Variants in DEUP1 observed in about 807,000 individuals in gnomAD.
DEUP1 encodes deuterosome assembly protein 1.
A neutral mutation model predicts 87.4 loss-of-function variants in DEUP1; 82 were observed. The observed-to-expected ratio is 0.94, with a 90% confidence interval of 0.78 to 1.13. DEUP1 has a LOEUF of 1.13. Ranked by LOEUF, DEUP1 falls within the 50% of genes most tolerant of loss-of-function variation. The pLI, the probability that DEUP1 is intolerant of heterozygous loss-of-function variation, is 0.00. For missense variants in DEUP1, 663 were observed against 681.5 expected, an observed-to-expected ratio of 0.97 and a Z score of 0.30; for synonymous variants, 214 against 222.7, an observed-to-expected ratio of 0.96 and a Z score of 0.35.
chr11:93,408,030 C>T (rs1947331775), intron 11 of DEUP1, among the ~76,000 whole-genome samples: 1 of 151,886 alleles, frequency 6.6e-6, no homozygotes, highest in Admixed American at 6.6e-5. Flanking sequence ...CAAATGTGTT[C>T]CACAACAGCT....
At chr11:93,364,359 T>G in intron 5 of DEUP1, 65 bp downstream of exon 5, 1 of 1,399,898 alleles carries the variant, frequency 7.1e-7, no homozygotes, top group Non-Finnish European at 1.0e-6. Context: ...TGTGGGCTAT[T>G]TGTCTCTAGT....
intron 7 of DEUP1, among the ~76,000 whole-genome samples, chr11:93,372,799 T>C (rs3020071): frequency 0.44 from 67,400 of 152,046 alleles, 15,702 homozygotes; most frequent in Admixed American, 0.6. Context: ...AAGCCAGAAA[T>C]AGTCTGGAAA....
At chr11:93,427,617 T>G (rs964110382) in intron 13 of DEUP1, among the ~76,000 whole-genome samples, 2 of 150,228 alleles carry the variant, frequency 1.3e-5, no homozygotes, top group Non-Finnish European at 3.0e-5. Context: ...AAGCCAAAAT[T>G]GACAAATGGG....
At chr11:93,373,427 A>C (rs3019203) in intron 7 of DEUP1, among the ~76,000 whole-genome samples, 64,676 of 151,518 alleles carry the variant, frequency 0.43, 14,928 homozygotes, top group Admixed American at 0.59. Flanking sequence ...CCTACTTATG[A>C]GTGAGAACGT....
chr11:93,340,015 C>A (rs1175973902), intron 2 of DEUP1, among the ~76,000 whole-genome samples: 1 of 152,124 alleles, frequency 6.6e-6, no homozygotes, highest in Non-Finnish European at 1.5e-5. Flanking sequence ...AATACCCAAG[C>A]AAATTAGGGT....
At chr11:93,355,595 G>A (rs1215927743) in intron 3 of DEUP1, 53 bp downstream of exon 3, 1 of 1,437,118 alleles carries the variant, frequency 7.0e-7, no homozygotes, top group Non-Finnish European at 9.4e-7. Flanking sequence ...GTTACATATA[G>A]TATTCTATCA....
chr11:93,344,596 A>G (rs747380053), intron 2 of DEUP1, among the ~76,000 whole-genome samples: 3 of 152,002 alleles, frequency 2.0e-5, no homozygotes, highest in Non-Finnish European at 4.4e-5. Context: ...TCTATTTTAG[A>G]TATCTCATGT....
chr11:93,374,791 A>AT (rs1565317272), intron 7 of DEUP1, among the ~76,000 whole-genome samples: 9 of 151,808 alleles, frequency 5.9e-5, no homozygotes, highest in South Asian at 4.2e-4. Context: ...GAATTCTAAG[A>AT]ATTTTTTTCT....
At chr11:93,376,108 C>T (rs1181169283) in intron 7 of DEUP1, among the ~76,000 whole-genome samples, 1 of 152,092 alleles carries the variant, frequency 6.6e-6, no homozygotes, top group Non-Finnish European at 1.5e-5. Context: ...ACCACCACAC[C>T]CAGGTAATTT....
At chr11:93,436,113 G>A (rs958507124) in intron 13 of DEUP1, among the ~76,000 whole-genome samples, 5 of 152,156 alleles carry the variant, frequency 3.3e-5, no homozygotes, top group African/African-American at 9.7e-5. Context: ...TACCTAGGAT[G>A]TTCTGACATG....
intron 11 of DEUP1, among the ~76,000 whole-genome samples, chr11:93,401,679 G>A (rs533733029): frequency 3.3e-5 from 5 of 151,840 alleles, no homozygotes; most frequent in Non-Finnish European, 7.4e-5. Flanking sequence ...ACCACAATGA[G>A]ATACCACTTC....
intron 2 of DEUP1, among the ~76,000 whole-genome samples, chr11:93,335,802 T>C (rs1285909740): frequency 2.0e-5 from 3 of 152,152 alleles, no homozygotes; most frequent in African/African-American, 4.8e-5. Context: ...TCTCCACATA[T>C]AAATAGCATA....
rs1945309755 is a variant in DEUP1 at position 93,364,299 on chromosome 11, G to A, written c.432+5G>A. 1 of 1,605,182 alleles carries A rather than the reference G, an allele frequency of 6.2e-7. No individual in the cohort carries two copies. Among genetic ancestry groups the A allele is most frequent in the African/African-American group, 1.3e-5 (1 of 74,652 alleles). On this transcript the variant is annotated splice_donor_5th_base_variant and intron_variant, in intron 5 of 13. Coordinates refer to ENST00000298050, the MANE Select transcript of DEUP1 (RefSeq NM_181645.4). The stretch of plus-strand genomic sequence containing the variant: ...AATTTGAACCAGAAATTAGAGGTGA[G>A]ATATATTATCTTAGTTTCTTCATGT...
At chr11:93,419,793 C>G (rs552239226) in intron 13 of DEUP1, among the ~76,000 whole-genome samples, 3 of 151,320 alleles carry the variant, frequency 2.0e-5, no homozygotes, top group Non-Finnish European at 4.4e-5. Flanking sequence ...AGAAATTTTC[C>G]TTCTCATGTT....
At chr11:93,397,700 C>T (rs1005670333) in intron 11 of DEUP1, among the ~76,000 whole-genome samples, 4 of 152,008 alleles carry the variant, frequency 2.6e-5, no homozygotes, top group African/African-American at 7.2e-5. Context: ...CCAGTGCTAA[C>T]GAATTAGTGT....
At position 93,346,805 on chromosome 11, in the gene DEUP1, G is replaced by C. The variant is rs192240814; in HGVS notation, c.30-8566G>C. 5.3e-3 allele frequency among the ~76,000 whole-genome samples: 802 copies of C among 152,228 alleles called. 3 individuals carry two copies. Among genetic ancestry groups the C allele is most frequent in the African/African-American group, 0.018 (757 of 41,548 alleles). ...TAAGTATTTTATTCTTTTTGTGGCA[G>C]TTGTGAATGGGATTGTGTTCCTGAT... On this transcript the variant is annotated intron_variant, in intron 2 of 13. Coordinates refer to ENST00000298050, the MANE Select transcript of DEUP1 (RefSeq NM_181645.4).
At chr11:93,384,787 A>G (rs1946459652) in intron 7 of DEUP1, among the ~76,000 whole-genome samples, 1 of 152,144 alleles carries the variant, frequency 6.6e-6, no homozygotes, top group Non-Finnish European at 1.5e-5. Context: ...TCATTCTTTC[A>G]TATTCACACT....
At chr11:93,352,742 A>T (rs1944686010) in intron 2 of DEUP1, among the ~76,000 whole-genome samples, 1 of 152,210 alleles carries the variant, frequency 6.6e-6, no homozygotes, top group African/African-American at 2.4e-5. Context: ...ATGAGGAAGA[A>T]GCAAAAGTGG....
chr11:93,437,659 A>AATTCCAC lies in DEUP1; in HGVS notation c.1756_1757insTTCCACA (p.Arg586IlefsTer10). ...TAAATACACATATTGATGAACTGCA[A>AATTCCAC]AGACACACAGAATTTACTCTTAATA... On this transcript the variant is annotated frameshift_variant, in exon 14 of 14. Coordinates refer to ENST00000298050, the MANE Select transcript of DEUP1 (RefSeq NM_181645.4). LOFTEE classifies it high-confidence loss of function. 6.2e-7 allele frequency: 1 copy of AATTCCAC among 1,609,772 alleles called. No homozygotes were observed. Among genetic ancestry groups the AATTCCAC allele is most frequent in the Non-Finnish European group, 8.5e-7 (1 of 1,176,042 alleles).
Sources: gnomAD v4.1 joint callset for allele counts (sites outside exome capture counted in the v4.1 genomes callset) on GRCh38, gnomAD v4.1.1 for gene constraint, MANE v1.5 for transcripts, NCBI Gene and HGNC (gene_info 2026-07-23, HGNC 2026-07-21) for gene names.